TNR: variants seen among roughly 807,000 people sequenced by gnomAD.
The protein encoded by TNR is tenascin-R.
TNR carries 45 observed loss-of-function variants against 150.4 expected under a neutral mutation model. The ratio of observed to expected loss-of-function variants is 0.30; its 90% CI spans 0.24 to 0.38. The LOEUF (loss-of-function observed/expected upper bound fraction) is 0.38, where lower values mean the gene tolerates loss of function less well. Among genes scored for constraint, TNR ranks in the 10% least tolerant of loss-of-function variants. The probability of loss-of-function intolerance (pLI) is 1.00; values close to 1 mark genes in which losing one functional copy is unlikely to be tolerated. For missense variants in TNR, 1,544 were observed against 1,759.1 expected (o/e 0.88, Z 2.19); for synonymous variants, 687 against 678.4 (o/e 1.01, Z -0.20).
chr1:175,355,757 C>T, intron 16 of TNR, 124 bp from the exon 17 acceptor site: 1 of 1,375,844 alleles, frequency 7.3e-7, no homozygotes, highest in East Asian at 2.4e-5. Flanking sequence ...CTGACCCCTG[C>T]TCTGGCTTGG....
chr1:175,561,623 T>A (rs1272316595), intron 1 of TNR, among the ~76,000 whole-genome samples: 2 of 152,182 alleles, frequency 1.3e-5, no homozygotes, highest in African/African-American at 4.8e-5. Context: ...AAGCCTGAAT[T>A]AAGACCTGAT....
chr1:175,715,994 G>C (rs1449642863), intron 1 of TNR, among the ~76,000 whole-genome samples: 1 of 152,188 alleles, frequency 6.6e-6, no homozygotes, highest in Non-Finnish European at 1.5e-5. Context: ...TTTCCGAGTA[G>C]CAGGCAGCCA....
At chr1:175,340,301 A>T (rs1323055821) in intron 18 of TNR, among the ~76,000 whole-genome samples, 2 of 152,116 alleles carry the variant, frequency 1.3e-5, no homozygotes, top group Non-Finnish European at 2.9e-5. Context: ...CCTTTGACAA[A>T]TTGCAAGGCC....
chr1:175,547,635 A>G (rs2861312), intron 1 of TNR, among the ~76,000 whole-genome samples: 2 of 66,490 alleles, frequency 3.0e-5, no homozygotes, highest in African/African-American at 8.9e-5. Context: ...GAAAGAAAGA[A>G]AGAGAAAGAA....
At chr1:175,479,633 G>A (rs541955823) in intron 2 of TNR, among the ~76,000 whole-genome samples, 21 of 152,052 alleles carry the variant, frequency 1.4e-4, no homozygotes, top group Non-Finnish European at 1.8e-4. Flanking sequence ...TATTCAGATC[G>A]GCCCCACGTA....
At chr1:175,466,800 T>G (rs1657053628) in intron 2 of TNR, among the ~76,000 whole-genome samples, 2 of 152,160 alleles carry the variant, frequency 1.3e-5, no homozygotes, top group South Asian at 4.1e-4. Flanking sequence ...CCATCTGGCA[T>G]GTTCTACACC....
chr1:175,651,433 G>T (rs1337782700), intron 1 of TNR, among the ~76,000 whole-genome samples: 1 of 151,884 alleles, frequency 6.6e-6, no homozygotes, highest in Non-Finnish European at 1.5e-5. Context: ...GCCCTAAGGG[G>T]AGAAATTCAA....
rs569218135 is a variant in TNR, at chr1:175,568,957, T to C, written c.-164-40588A>G. ...CTCTCTCTTGCCCTGTCCACTTTTTTTTTTAAGTAAGAGGCTTTTTTTTCT... is the reference window on the plus strand; with the variant it reads ...CTCTCTCTTGCCCTGTCCACTTTTTCTTTTAAGTAAGAGGCTTTTTTTTCT... On this transcript the variant is annotated intron_variant, in intron 1 of 22. Transcript: ENST00000367674. Among the ~76,000 whole-genome samples, 7 of 152,288 alleles carry C rather than the reference T, an allele frequency of 4.6e-5. No individual in the cohort carries two copies. In the South Asian group the frequency reaches 1.5e-3, roughly 32 times the overall value.
intron 1 of TNR, among the ~76,000 whole-genome samples, chr1:175,638,517 A>C (rs573854065): frequency 3.3e-5 from 5 of 152,240 alleles, no homozygotes; most frequent in African/African-American, 1.2e-4. Flanking sequence ...ATGACCATCC[A>C]GCAAAATACT....
chr1:175,351,532 C>A (rs899460815), intron 18 of TNR, among the ~76,000 whole-genome samples: 1 of 152,124 alleles, frequency 6.6e-6, no homozygotes, highest in East Asian at 1.9e-4. Flanking sequence ...TATCAGAGAC[C>A]CCTCTTCTGT....
chr1:175,673,438 A>C (rs1168815976), intron 1 of TNR, among the ~76,000 whole-genome samples: 1 of 151,970 alleles, frequency 6.6e-6, no homozygotes, highest in Non-Finnish European at 1.5e-5. Flanking sequence ...AAGCATTCAG[A>C]GGAATGAGCA....
chr1:175,375,371 G>A (rs114120952), intron 9 of TNR, among the ~76,000 whole-genome samples: 26 of 152,220 alleles, frequency 1.7e-4, no homozygotes, highest in African/African-American at 5.8e-4. Context: ...GGACACAGAA[G>A]CCACTAGAGC....
intron 1 of TNR, among the ~76,000 whole-genome samples, chr1:175,719,879 T>C (rs1332483679): frequency 1.3e-5 from 2 of 152,324 alleles, no homozygotes; most frequent in East Asian, 3.9e-4. Flanking sequence ...TGGGACCCTG[T>C]TGGAGCCAAG....
chr1:175,331,101 CTCTCTCTCTTTCT>C (rs1424067167), intron 20 of TNR, among the ~76,000 whole-genome samples: 25 of 98,166 alleles, frequency 2.5e-4, no homozygotes, highest in African/African-American at 6.0e-4. Context: ...TTCTTTCTTT[CTCTCTCTCTTTCT>C]TTTCTTTCTT....
chr1:175,658,319 C>T (rs760655031), intron 1 of TNR, among the ~76,000 whole-genome samples: 6 of 152,122 alleles, frequency 3.9e-5, no homozygotes, highest in Non-Finnish European at 7.3e-5. Context: ...AGCAGGTTTG[C>T]CAAAGTCCAT....
In TNR at chr1:175,386,132, G is replaced by GTAT; in HGVS notation, c.1674_1676dup (p.Gln558_Tyr559insTer). 1 of 1,613,442 alleles carries GTAT rather than the reference G, an allele frequency of 6.2e-7. No individual in the cohort carries two copies. Among genetic ancestry groups the GTAT allele is most frequent in the Non-Finnish European group, 8.5e-7 (1 of 1,179,498 alleles). On this transcript the variant is annotated stop_gained, in exon 8 of 23. Coordinates refer to ENST00000367674, the MANE Select transcript of TNR (RefSeq NM_003285.3). LOFTEE classifies it high-confidence loss of function. ...AGCCAGGCCGCAGGGCCTGCACTGA[G>GTAT]TATTGGCTCAGGGGAGGCTGCAGCC...
chr1:175,655,881 G>T (rs1009449847), intron 1 of TNR, among the ~76,000 whole-genome samples: 4 of 152,146 alleles, frequency 2.6e-5, no homozygotes, highest in Non-Finnish European at 5.9e-5. Context: ...TCTCCTTGGG[G>T]ATAGATGGGG....
intron 18 of TNR, among the ~76,000 whole-genome samples, chr1:175,340,354 G>A (rs979997432): frequency 1.3e-5 from 2 of 152,152 alleles, no homozygotes; most frequent in Non-Finnish European, 2.9e-5. Flanking sequence ...TTTAGTCAGT[G>A]GCATTAATGT....
At chr1:175,549,309 A>G (rs1001403126) in intron 1 of TNR, among the ~76,000 whole-genome samples, 11 of 152,260 alleles carry the variant, frequency 7.2e-5, no homozygotes, top group African/African-American at 2.7e-4. Flanking sequence ...TGTCTCAAAC[A>G]CTGATATTAA....
Sources: gnomAD v4.1 joint callset for allele counts (sites outside exome capture counted in the v4.1 genomes callset) on GRCh38, gnomAD v4.1.1 for gene constraint, MANE v1.5 for transcripts, NCBI Gene and HGNC (gene_info 2026-07-23, HGNC 2026-07-21) for gene names.